The following TCERG1L variants were observed in gnomAD, a reference collection of about 807,000 sequenced individuals.
TCERG1L encodes the protein transcription elongation regulator 1-like protein.
A neutral mutation model predicts 56.3 loss-of-function variants in TCERG1L; 37 were observed. The observed-to-expected ratio is 0.66, with a 90% confidence interval of 0.51 to 0.87. The LOEUF is 0.87. TCERG1L is among the 40% of genes least tolerant of loss of function. TCERG1L has a pLI of 0.00. For synonymous variants in TCERG1L, 324 were observed against 326.3 expected (o/e 0.99, Z 0.08); for missense variants, 799 against 774.2 (o/e 1.03, Z -0.38).
At chr10:131,292,607 G>A (rs1308942890) in intron 3 of TCERG1L, among the ~76,000 whole-genome samples, 1 of 152,144 alleles carries the variant, frequency 6.6e-6, no homozygotes, top group Non-Finnish European at 1.5e-5. Flanking sequence ...TCTTGAGAAT[G>A]TTCTCCTCGG....
Position 131,260,589 on chromosome 10 carries a change from GCCA to G in TCERG1L, c.671-148_671-146del. 1 of 1,034,980 alleles carries G rather than the reference GCCA, an allele frequency of 9.7e-7. No homozygotes were observed. The highest frequency in any genetic ancestry group is 3.5e-5 in the South Asian group (1 of 28,776). 64.1% of individuals were successfully genotyped at this position (1,034,980 alleles called of 1,614,324 possible). ...TCTTTAATGGAGGCCCACAGTATGT[GCCA>G]CCGTCCGCAGAACAAATGCTTCTGA... On this transcript the variant is annotated intron_variant, in intron 3 of 11. Coordinates refer to ENST00000368642, the MANE Select transcript of TCERG1L (RefSeq NM_174937.4). This position sits in a 1 kb window ranked among gnomAD's most constrained non-coding sequence, Gnocchi z 5.8.
At chr10:131,231,321 C>T (rs1845849493) in intron 4 of TCERG1L, among the ~76,000 whole-genome samples, 1 of 152,220 alleles carries the variant, frequency 6.6e-6, no homozygotes. Flanking sequence ...ACAACTGACT[C>T]AGTCACGAGT....
At chr10:131,129,529 A>G (rs969311784) in intron 8 of TCERG1L, among the ~76,000 whole-genome samples, 18 of 152,194 alleles carry the variant, frequency 1.2e-4, no homozygotes, top group African/African-American at 4.1e-4. Flanking sequence ...AAAAGTTATA[A>G]GTAGGTAAAA....
chr10:131,134,702 T>C (rs565919339), intron 7 of TCERG1L, among the ~76,000 whole-genome samples: 1 of 152,310 alleles, frequency 6.6e-6, no homozygotes, highest in South Asian at 2.1e-4. Flanking sequence ...GTGCTGGGCC[T>C]TCCAGAGGGG....
At chr10:131,198,188 A>G (rs1377694796) in intron 4 of TCERG1L, among the ~76,000 whole-genome samples, 1 of 152,232 alleles carries the variant, frequency 6.6e-6, no homozygotes, top group African/African-American at 2.4e-5. Flanking sequence ...ATCATGGGAA[A>G]TGACACAGGT....
intron 9 of TCERG1L, among the ~76,000 whole-genome samples, chr10:131,114,672 A>C (rs372110808): frequency 6.6e-6 from 1 of 152,200 alleles, no homozygotes; most frequent in East Asian, 1.9e-4. Flanking sequence ...GAGGCCATGT[A>C]AACTGAGTCT....
intron 4 of TCERG1L, among the ~76,000 whole-genome samples, chr10:131,177,252 C>CACAG (rs1845111334): frequency 6.6e-6 from 1 of 150,904 alleles, no homozygotes; most frequent in African/African-American, 2.4e-5. Flanking sequence ...ACTACACACA[C>CACAG]ACAGGCACAC....
At chr10:131,114,666 C>A (rs1845438229) in intron 9 of TCERG1L, among the ~76,000 whole-genome samples, 1 of 152,084 alleles carries the variant, frequency 6.6e-6, no homozygotes, top group South Asian at 2.1e-4. Flanking sequence ...ATTCAAGAGG[C>A]CATGTAAACT....
chr10:131,185,588 C>A (rs547476078), intron 4 of TCERG1L, among the ~76,000 whole-genome samples: 3 of 152,112 alleles, frequency 2.0e-5, no homozygotes, highest in African/African-American at 4.8e-5. Flanking sequence ...TGACTCAAAT[C>A]ATCATTTTGC....
At chr10:131,106,588 T>C (rs1589775813) in intron 9 of TCERG1L, among the ~76,000 whole-genome samples, 1 of 151,846 alleles carries the variant, frequency 6.6e-6, no homozygotes, top group African/African-American at 2.4e-5. Context: ...GAGGCTGAAG[T>C]GTAGGGCAGT....
intron 3 of TCERG1L, among the ~76,000 whole-genome samples, chr10:131,271,866 A>C (rs1846343448): frequency 1.3e-5 from 2 of 152,326 alleles, no homozygotes; most frequent in South Asian, 4.2e-4. Context: ...AAGAAAACAA[A>C]CAACCATTAG....
chr10:131,203,469 C>T (rs1011719805), intron 4 of TCERG1L, among the ~76,000 whole-genome samples: 12 of 152,306 alleles, frequency 7.9e-5, no homozygotes, highest in African/African-American at 2.6e-4. Flanking sequence ...TCCAAGCTGG[C>T]CCCAATCACA....
At chr10:131,282,180 A>G (rs1416084576) in intron 3 of TCERG1L, among the ~76,000 whole-genome samples, 2 of 151,892 alleles carry the variant, frequency 1.3e-5, no homozygotes, top group Non-Finnish European at 2.9e-5. Context: ...TTCTTCTGCA[A>G]AGCCACTTAG....
intron 6 of TCERG1L, among the ~76,000 whole-genome samples, chr10:131,153,689 A>T (rs1004364189): frequency 6.6e-6 from 1 of 152,058 alleles, no homozygotes; most frequent in African/African-American, 2.4e-5. Flanking sequence ...TCAGATGCAG[A>T]GACACCCAAG....
intron 4 of TCERG1L, among the ~76,000 whole-genome samples, chr10:131,232,338 G>A (rs1461783587): frequency 2.0e-5 from 3 of 152,228 alleles, no homozygotes; most frequent in African/African-American, 4.8e-5. Context: ...AGCAGCTGCC[G>A]TCTCAGCAGT....
chr10:131,114,550 A>G (rs1454943642), intron 9 of TCERG1L, among the ~76,000 whole-genome samples: 3 of 152,086 alleles, frequency 2.0e-5, no homozygotes, highest in Admixed American at 2.0e-4. Context: ...ATTCCTGTAT[A>G]ATAACCTGGG....
intron 8 of TCERG1L, among the ~76,000 whole-genome samples, chr10:131,125,616 C>A (rs774018330): frequency 4.6e-5 from 7 of 152,224 alleles, no homozygotes; most frequent in Non-Finnish European, 5.9e-5. Flanking sequence ...CCTCTGGCAG[C>A]TATAAGGAAG....
At chr10:131,130,511 C>T (rs1845606799) in intron 8 of TCERG1L, among the ~76,000 whole-genome samples, 2 of 152,198 alleles carry the variant, frequency 1.3e-5, no homozygotes, top group Non-Finnish European at 2.9e-5. Flanking sequence ...CCCCTCAGGG[C>T]CCACGCCCCT....
At chr10:131,098,566 C>T (rs1448321754) in intron 10 of TCERG1L, 142 bp from the exon 11 acceptor site, 1 of 1,069,416 alleles carries the variant, frequency 9.4e-7, no homozygotes, top group Non-Finnish European at 1.3e-6. Flanking sequence ...TTATGAGCAA[C>T]AGCCTTTCAG....
Sources: gnomAD v4.1 joint callset for allele counts (sites outside exome capture counted in the v4.1 genomes callset) on GRCh38, gnomAD v4.1.1 for gene constraint, Gnocchi (gnomAD v3.1) non-coding constraint, MANE v1.5 for transcripts, NCBI Gene and HGNC (gene_info 2026-07-23, HGNC 2026-07-21) for gene names.